DLG1: variants seen among roughly 807,000 people sequenced by gnomAD.
DLG1 encodes the protein discs large MAGUK scaffold protein 1, also known as disks large homolog 1.
Under a neutral mutation model 123.4 loss-of-function variants are expected in DLG1, and 42 were observed. The ratio of observed to expected loss-of-function variants is 0.34; its 90% confidence interval spans 0.27 to 0.44. The LOEUF (loss-of-function observed/expected upper bound fraction) is 0.44, where lower values mean the gene tolerates loss of function less well. Among genes scored for constraint, DLG1 ranks in the 20% least tolerant of loss-of-function variants. The pLI is 1.00. For missense variants in DLG1, 942 were observed against 1,082.6 expected (o/e 0.87, Z 1.82); for synonymous variants, 317 against 356.2 (o/e 0.89, Z 1.24).
rs986520881 is a variant in DLG1, at chr3:197,044,518, C to A, written c.*105G>T. The A allele has an allele frequency of 1.5e-5, 10 of 666,554 alleles. No individual in the cohort carries two copies. The highest frequency in any genetic ancestry group is 2.6e-5 in the Non-Finnish European group (10 of 385,836). 41.3% of individuals were successfully genotyped at this position (666,554 alleles called of 1,614,324 possible). A position where few individuals can be genotyped will look rare whatever the true frequency, so the allele number is the denominator to read the frequency against. On this transcript the variant is annotated 3_prime_UTR_variant, in exon 25 of 25. Transcript: ENST00000667157. ...GCTGCAGACCATGATGTGTGGGATA[C>A]AATTCAACATGAAATCAGTACTCAA...
At chr3:197,133,734 C>G (rs1243077304) in intron 10 of DLG1, among the ~76,000 whole-genome samples, 1 of 152,060 alleles carries the variant, frequency 6.6e-6, no homozygotes, top group Non-Finnish European at 1.5e-5. Context: ...TTAGAGGTTA[C>G]AGATATGAGG....
intron 1 of DLG1, chr3:197,298,081 G>C (rs1256321107): frequency 3.2e-6 from 1 of 311,080 alleles, no homozygotes; most frequent in Non-Finnish European, 4.7e-6. Flanking sequence ...GCCTCCTTCC[G>C]CGCCCCCAAC....
rs1446432490 is a variant in DLG1 at position 197,211,947 on chromosome 3, G to A, written c.319-17358C>T. 5.5e-5 allele frequency among the ~76,000 whole-genome samples: 8 copies of A among 146,528 alleles called. 3 individuals are homozygous for A. In the South Asian group the frequency reaches 2.1e-3, roughly 38 times the overall value. ...ACGATCATGTCTTTTGAGGGAAGAT[G>A]GATGTTGCTAGAGGCTATTATCCTT... On this transcript the variant is annotated intron_variant, in intron 4 of 24. Coordinates refer to ENST00000667157, the MANE Select transcript of DLG1 (RefSeq NM_001366207.1).
chr3:197,120,267 G>A (rs1265097409), intron 11 of DLG1, among the ~76,000 whole-genome samples: 6 of 82,886 alleles, frequency 7.2e-5, no homozygotes, highest in East Asian at 3.2e-4. Flanking sequence ...GCCCTGTCTC[G>A]AGAAAGAAAA....
chr3:197,296,749 G>A (rs927604690), intron 2 of DLG1: 12 of 385,520 alleles, frequency 3.1e-5, no homozygotes, highest in Admixed American at 2.5e-4. Flanking sequence ...GTTTGCCAAA[G>A]TAAAAGATCA....
intron 5 of DLG1, among the ~76,000 whole-genome samples, chr3:197,177,787 C>T (rs545837617): frequency 3.4e-4 from 51 of 152,040 alleles, no homozygotes; most frequent in Non-Finnish European, 6.5e-4. Flanking sequence ...AAATTGAATT[C>T]TCTTCTCTCC....
chr3:197,143,137 C>A (rs1410850625), intron 6 of DLG1, among the ~76,000 whole-genome samples: 1 of 152,186 alleles, frequency 6.6e-6, no homozygotes, highest in Admixed American at 6.5e-5. Flanking sequence ...TTTCTAATAC[C>A]TTTGTTCAGG....
chr3:197,145,156 G>A (rs573177673), intron 6 of DLG1, among the ~76,000 whole-genome samples: 3 of 152,190 alleles, frequency 2.0e-5, no homozygotes, highest in South Asian at 2.1e-4. Flanking sequence ...TCTAGAGTAC[G>A]GGAGGCTTAC....
chr3:197,160,961 T>C (rs558426772), intron 5 of DLG1, among the ~76,000 whole-genome samples: 2 of 152,312 alleles, frequency 1.3e-5, no homozygotes, highest in African/African-American at 4.8e-5. Flanking sequence ...TTTGGATAAC[T>C]GTTGGAAGGG....
intron 4 of DLG1, among the ~76,000 whole-genome samples, chr3:197,204,899 T>TA (rs1727717806): frequency 6.6e-6 from 1 of 151,834 alleles, no homozygotes; most frequent in Non-Finnish European, 1.5e-5. Context: ...TTGCTTGGAA[T>TA]AAAAAAAGCA....
chr3:197,136,667 T>C lies in DLG1; in HGVS notation c.895A>G (p.Ser299Gly). 6.2e-7 allele frequency: 1 copy of C among 1,611,238 alleles called. No individual in the cohort carries two copies. Among genetic ancestry groups the C allele is most frequent in the Non-Finnish European group, 8.5e-7 (1 of 1,179,114 alleles). ...TGATTTCCAACACCTCCAGCAATGC[T>C]AAACCCAAGACCTGTTTGGAAAACA... is the stretch of plus-strand genomic sequence containing the variant. ...LIKGPKGLGF[S>G]IAGGVGNQHI... Residue 299 changes from serine to glycine, a missense_variant, in exon 10 of 25, where the codon AGC becomes GGC. Transcript: ENST00000667157.
At chr3:197,217,475 T>A (rs1734702422) in intron 4 of DLG1, among the ~76,000 whole-genome samples, 1 of 152,202 alleles carries the variant, frequency 6.6e-6, no homozygotes, top group East Asian at 1.9e-4. Context: ...AAAATGGATA[T>A]ATATTTCATG....
chr3:197,112,003 C>T (rs1770300781), intron 13 of DLG1, among the ~76,000 whole-genome samples: 1 of 152,040 alleles, frequency 6.6e-6, no homozygotes, highest in Non-Finnish European at 1.5e-5. Context: ...TTCATTTGTC[C>T]TGGGTAAAAC....
At chr3:197,243,018 ACTT>A (rs1209443835) in intron 4 of DLG1, among the ~76,000 whole-genome samples, 6 of 152,272 alleles carry the variant, frequency 3.9e-5, no homozygotes, top group Non-Finnish European at 8.8e-5. Context: ...CAAACAAAAG[ACTT>A]CTCAGCAAGG....
chr3:197,176,916 A>C (rs1001152615), intron 5 of DLG1, among the ~76,000 whole-genome samples: 1 of 151,962 alleles, frequency 6.6e-6, no homozygotes, highest in Non-Finnish European at 1.5e-5. Flanking sequence ...CTTCATCTCT[A>C]TGCTTTTCTA....
At chr3:197,241,760 G>C (rs1749003457) in intron 4 of DLG1, among the ~76,000 whole-genome samples, 1 of 152,114 alleles carries the variant, frequency 6.6e-6, no homozygotes, top group South Asian at 2.1e-4. Context: ...TGTGATCTAA[G>C]ATAAGTTGTC....
chr3:197,166,892 C>T (rs1310922570), intron 5 of DLG1, among the ~76,000 whole-genome samples: 1 of 151,578 alleles, frequency 6.6e-6, no homozygotes, highest in African/African-American at 2.4e-5. Context: ...AACTCCGTCT[C>T]GGGGGGAAAA....
intron 19 of DLG1, among the ~76,000 whole-genome samples, chr3:197,067,801 C>T (rs1263037997): frequency 6.6e-6 from 1 of 152,176 alleles, no homozygotes; most frequent in African/African-American, 2.4e-5. Context: ...AGGTGATCTG[C>T]CCGCCTCGGC....
chr3:197,107,013 C>A (rs979582768), intron 13 of DLG1, among the ~76,000 whole-genome samples: 3 of 152,206 alleles, frequency 2.0e-5, no homozygotes, highest in Non-Finnish European at 2.9e-5. Context: ...TATCCACTGA[C>A]AGTCACTCCT....
Sources: gnomAD v4.1 joint callset for allele counts (sites outside exome capture counted in the v4.1 genomes callset) on GRCh38, gnomAD v4.1.1 for gene constraint, MANE v1.5 for transcripts, NCBI Gene and HGNC (gene_info 2026-07-23, HGNC 2026-07-21) for gene names.